The following CTNNA2 variants were observed in gnomAD, a reference collection of about 807,000 sequenced individuals.
CTNNA2 encodes the protein catenin alpha-2.
In CTNNA2, 42 loss-of-function variants were observed where a neutral mutation model predicts 101.0. That is an observed-to-expected ratio of 0.42 (90% CI 0.32 to 0.54). The LOEUF is 0.54. Among genes scored for constraint, CTNNA2 ranks in the 20% least tolerant of loss-of-function variants. The probability of loss-of-function intolerance (pLI) is 0.14; values close to 1 mark genes in which losing one functional copy is unlikely to be tolerated. For missense variants in CTNNA2, 871 were observed against 1,223.1 expected (o/e 0.71, Z 4.29); for synonymous variants, 450 against 456.4 (o/e 0.99, Z 0.18).
chr2:79,562,895 GTGTC>G, intron 1 of CTNNA2, among the ~76,000 whole-genome samples: 1 of 151,872 alleles, frequency 6.6e-6, no homozygotes, highest in East Asian at 1.9e-4. Context: ...ATGTCTGTGT[GTGTC>G]TGTGTGTGAC....
chr2:80,247,323 G>A (rs930160356), intron 7 of CTNNA2, among the ~76,000 whole-genome samples: 13 of 152,100 alleles, frequency 8.5e-5, no homozygotes, highest in Non-Finnish European at 1.6e-4. Flanking sequence ...TTGCTGTACC[G>A]CTTTGACCAG....
intron 3 of CTNNA2, among the ~76,000 whole-genome samples, chr2:79,362,612 T>C (rs1211386972): frequency 1.3e-5 from 2 of 152,170 alleles, no homozygotes; most frequent in Admixed American, 6.5e-5. Flanking sequence ...CTTTACATGA[T>C]GATGTTGCAC....
At chr2:79,818,380 G>A (rs1677702492) in intron 3 of CTNNA2, among the ~76,000 whole-genome samples, 1 of 151,752 alleles carries the variant, frequency 6.6e-6, no homozygotes, top group Admixed American at 6.6e-5. Flanking sequence ...TGTTGTGATC[G>A]TGGCTCACTG....
At chr2:79,559,565 T>A (rs1478204500) in intron 1 of CTNNA2, among the ~76,000 whole-genome samples, 1 of 151,946 alleles carries the variant, frequency 6.6e-6, no homozygotes, top group African/African-American at 2.4e-5. Context: ...GAATGAAAGC[T>A]GAAACCAGGC....
intron 7 of CTNNA2, among the ~76,000 whole-genome samples, chr2:80,202,051 C>A (rs1707244273): frequency 6.6e-6 from 1 of 152,164 alleles, no homozygotes; most frequent in East Asian, 1.9e-4. Flanking sequence ...ATTTTATTTT[C>A]CCTACTAGCT....
intron 7 of CTNNA2, among the ~76,000 whole-genome samples, chr2:80,210,347 A>G (rs1184735963): frequency 6.6e-6 from 1 of 152,134 alleles, no homozygotes; most frequent in Non-Finnish European, 1.5e-5. Flanking sequence ...ATATCGCCTA[A>G]TGCTATCCTT....
rs537323669 is a variant in CTNNA2, at chr2:80,642,334, C to T, written c.2575-5251C>T. Among the ~76,000 whole-genome samples the T allele has an allele frequency of 2.6e-3, 390 of 152,220 alleles. 1 individual carries two copies. Among genetic ancestry groups the T allele is most frequent in the African/African-American group, 8.6e-3 (359 of 41,550 alleles). On this transcript the variant is annotated intron_variant, in intron 18 of 18. Coordinates refer to ENST00000402739, the MANE Select transcript of CTNNA2 (RefSeq NM_001282597.3). ...TATTCCTTTTGTTCATTTAGCATCT[C>T]GCATCCTACTAAAACACTGTCATAC...
At chr2:80,191,682 C>CA (rs59766518) in intron 7 of CTNNA2, among the ~76,000 whole-genome samples, 36,659 of 151,956 alleles carry the variant, frequency 0.24, 7,167 homozygotes, top group African/African-American at 0.54. Context: ...TGAAGAGTAA[C>CA]AAAAAACATT....
chr2:80,500,504 A>G (rs966335249), intron 9 of CTNNA2, among the ~76,000 whole-genome samples: 3 of 152,238 alleles, frequency 2.0e-5, no homozygotes, highest in African/African-American at 7.2e-5. Flanking sequence ...TTAATGGATG[A>G]TCCAGTACCC....
chr2:80,484,599 A>G (rs536470236), intron 9 of CTNNA2, among the ~76,000 whole-genome samples: 68 of 152,346 alleles, frequency 4.5e-4, no homozygotes, highest in African/African-American at 1.6e-3. Context: ...TGCAAACCTG[A>G]GAAATTGCTG....
At chr2:79,304,231 C>T (rs77142364) in intron 2 of CTNNA2, among the ~76,000 whole-genome samples, 16,459 of 151,940 alleles carry the variant, frequency 0.11, 1,078 homozygotes, top group Middle Eastern at 0.21. Flanking sequence ...GCTTCTGGTA[C>T]GAAAAACTTA....
At chr2:80,523,135 A>G (rs1689717262) in intron 9 of CTNNA2, among the ~76,000 whole-genome samples, 1 of 152,198 alleles carries the variant, frequency 6.6e-6, no homozygotes, top group South Asian at 2.1e-4. Context: ...GAAGTATTGA[A>G]TAGGTGCCAT....
At chr2:79,967,636 C>A (rs17018325) in intron 7 of CTNNA2, among the ~76,000 whole-genome samples, 7,626 of 152,254 alleles carry the variant, frequency 0.05, 638 homozygotes, top group African/African-American at 0.17. Context: ...AACAAACAAT[C>A]CATAAAACTC....
intron 7 of CTNNA2, among the ~76,000 whole-genome samples, chr2:80,258,009 A>T (rs1672307929): frequency 6.6e-6 from 1 of 152,228 alleles, no homozygotes; most frequent in Admixed American, 6.5e-5. Flanking sequence ...AGGGTGCATC[A>T]CACACACCCT....
Position 80,555,902 on chromosome 2 carries a change from G to A in CTNNA2, c.1741+9G>A. On this transcript the variant is annotated intron_variant, in intron 12 of 18. Transcript: ENST00000402739. ...ATTGCTTTCTGAAACAGGTAAGCAT[G>A]GGTATTGGGTCTGGCCAAAATGTTA... is the stretch of plus-strand genomic sequence containing the variant. 6.6e-7 allele frequency: 1 copy of A among 1,513,266 alleles called. No individual in the cohort carries two copies. The highest frequency in any genetic ancestry group is 8.9e-7 in the Non-Finnish European group (1 of 1,127,054). 93.7% of individuals were successfully genotyped at this position (1,513,266 alleles called of 1,614,324 possible).
At chr2:79,246,399 G>A (rs1674700570) in intron 2 of CTNNA2, among the ~76,000 whole-genome samples, 1 of 151,982 alleles carries the variant, frequency 6.6e-6, no homozygotes, top group East Asian at 1.9e-4. Context: ...TCTGTATTTT[G>A]CAGCTGAGAT....
intron 12 of CTNNA2, among the ~76,000 whole-genome samples, chr2:80,572,482 G>A (rs563246945): frequency 8.5e-5 from 13 of 152,198 alleles, no homozygotes; most frequent in Non-Finnish European, 1.8e-4. Flanking sequence ...CATCACTGAT[G>A]GTCATACTTA....
intron 2 of CTNNA2, among the ~76,000 whole-genome samples, chr2:79,675,476 G>A (rs969492435): frequency 6.6e-6 from 1 of 152,088 alleles, no homozygotes; most frequent in Non-Finnish European, 1.5e-5. Context: ...CGGGGGCTTG[G>A]GAATTATATG....
chr2:79,657,341 A>G (rs2104507358), intron 2 of CTNNA2, among the ~76,000 whole-genome samples: 1 of 152,034 alleles, frequency 6.6e-6, no homozygotes, highest in Admixed American at 6.5e-5. Flanking sequence ...GAACATCTAA[A>G]GGAAGGGAAT....
Sources: gnomAD v4.1 joint callset for allele counts (sites outside exome capture counted in the v4.1 genomes callset) on GRCh38, gnomAD v4.1.1 for gene constraint, MANE v1.5 for transcripts, NCBI Gene and HGNC (gene_info 2026-07-23, HGNC 2026-07-21) for gene names.